CNTN4: variants seen among roughly 807,000 people sequenced by gnomAD.
CNTN4 encodes the protein contactin-4.
In CNTN4, 77 loss-of-function variants were observed where a neutral mutation model predicts 122.5. The observed-to-expected ratio is 0.63, with a 90% CI of 0.52 to 0.76. The LOEUF is 0.76. Among genes scored for constraint, CNTN4 ranks in the 30% least tolerant of loss-of-function variants. The probability of loss-of-function intolerance (pLI) is 0.00; values close to 1 mark genes in which losing one functional copy is unlikely to be tolerated. For synonymous variants in CNTN4, 512 were observed against 447.0 expected, an observed-to-expected ratio of 1.15 and a Z score of -1.83; for missense variants, 1,256 against 1,259.1, an observed-to-expected ratio of 1.00 and a Z score of 0.04.
chr3:2,523,800 T>C (rs189046476), intron 3 of CNTN4, among the ~76,000 whole-genome samples: 2 of 152,164 alleles, frequency 1.3e-5, no homozygotes, highest in Non-Finnish European at 1.5e-5. Flanking sequence ...TGCTTAGAAA[T>C]CAAAATGAAT....
chr3:2,791,933 T>G (rs970825), intron 6 of CNTN4, among the ~76,000 whole-genome samples: 7,171 of 152,232 alleles, frequency 0.047, 235 homozygotes, highest in Non-Finnish European at 0.07. Flanking sequence ...TCATCGGATT[T>G]AGGGCCCACT....
intron 18 of CNTN4, among the ~76,000 whole-genome samples, chr3:3,037,850 A>C (rs1050963949): frequency 6.6e-6 from 1 of 152,246 alleles, no homozygotes; most frequent in Admixed American, 6.5e-5. Context: ...CATTCGAACA[A>C]GACCAGTCAG....
At chr3:2,198,611 C>T (rs1312872320) in intron 2 of CNTN4, among the ~76,000 whole-genome samples, 1 of 152,084 alleles carries the variant, frequency 6.6e-6, no homozygotes, top group African/African-American at 2.4e-5. Flanking sequence ...AGCATAAAAT[C>T]AGTCAAGAAG....
intron 7 of CNTN4, among the ~76,000 whole-genome samples, chr3:2,861,757 C>T (rs1210094448): frequency 6.6e-6 from 1 of 152,120 alleles, no homozygotes; most frequent in Non-Finnish European, 1.5e-5. Context: ...CCAGTAACTA[C>T]CCTTGTGATT....
chr3:2,901,245 G>A (rs1473276042), intron 11 of CNTN4, among the ~76,000 whole-genome samples: 2 of 152,208 alleles, frequency 1.3e-5, no homozygotes, highest in Non-Finnish European at 1.5e-5. Flanking sequence ...CGGAGACCCT[G>A]AGAATGAGGA....
At chr3:2,489,022 T>C (rs545985667) in intron 3 of CNTN4, among the ~76,000 whole-genome samples, 29 of 152,338 alleles carry the variant, frequency 1.9e-4, no homozygotes, top group Non-Finnish European at 3.8e-4. Flanking sequence ...TTCCATCAGA[T>C]ATTTTTTCTG....
At chr3:2,798,074 C>A (rs9869397) in intron 6 of CNTN4, among the ~76,000 whole-genome samples, 1 of 45,152 alleles carries the variant, frequency 2.2e-5, no homozygotes, top group Non-Finnish European at 4.9e-5. Context: ...ATCCCTCCCA[C>A]CCTCCCACTC....
At chr3:2,481,445 T>C (rs758071460) in intron 3 of CNTN4, among the ~76,000 whole-genome samples, 2 of 152,058 alleles carry the variant, frequency 1.3e-5, no homozygotes, top group African/African-American at 4.8e-5. Flanking sequence ...CCAGCCAAGA[T>C]AGTCTTTTCA....
At chr3:3,024,334 T>C (rs1698542221) in intron 14 of CNTN4, among the ~76,000 whole-genome samples, 1 of 150,390 alleles carries the variant, frequency 6.6e-6, no homozygotes, top group Admixed American at 6.6e-5. Context: ...AATGGGGCTA[T>C]TCCTTGATGT....
At chr3:2,677,482 A>G (rs575014397) in intron 4 of CNTN4, among the ~76,000 whole-genome samples, 2 of 120,938 alleles carry the variant, frequency 1.7e-5, no homozygotes, top group South Asian at 2.5e-4. Context: ...CTATCCATCT[A>G]TATCTATCTA....
Position 2,517,278 on chromosome 3 carries a change from T to TG in CNTN4, c.-88-54134dup, listed in dbSNP as rs1191036518. 3.9e-5 allele frequency among the ~76,000 whole-genome samples: 6 copies of TG among 152,236 alleles called. No individual in the cohort carries two copies. In the South Asian group the frequency reaches 1.0e-3, roughly 26 times the overall value. ...CAGTGAGTGTTTCTGGAGTAGTTAA[T>TG]GGGGATATTCCATCTAGTTCAGTAG... On this transcript the variant is annotated intron_variant, in intron 3 of 24. Transcript: ENST00000418658.
chr3:2,480,445 G>A (rs991615950), intron 3 of CNTN4, among the ~76,000 whole-genome samples: 2 of 152,104 alleles, frequency 1.3e-5, no homozygotes, highest in Admixed American at 1.3e-4. Context: ...ACATAGACCA[G>A]TAAATGACTG....
At chr3:2,654,074 A>G (rs1294401055) in intron 4 of CNTN4, among the ~76,000 whole-genome samples, 3 of 152,202 alleles carry the variant, frequency 2.0e-5, no homozygotes, top group African/African-American at 7.2e-5. Flanking sequence ...ACAGTTGCTA[A>G]TTTACCCAAT....
chr3:2,762,990 G>A (rs1315853128), intron 6 of CNTN4, among the ~76,000 whole-genome samples: 1 of 146,560 alleles, frequency 6.8e-6, no homozygotes, highest in African/African-American at 2.6e-5. Context: ...CGCGCAGGCT[G>A]GAGTGCAGTG....
chr3:2,929,535 C>T (rs2094501898), intron 13 of CNTN4, among the ~76,000 whole-genome samples: 1 of 152,132 alleles, frequency 6.6e-6, no homozygotes, highest in Admixed American at 6.5e-5. Context: ...TTCATTGGCT[C>T]ATGTATTTGA....
intron 6 of CNTN4, among the ~76,000 whole-genome samples, chr3:2,776,365 G>T (rs6765656): frequency 0.14 from 20,989 of 147,642 alleles, 1,497 homozygotes; most frequent in African/African-American, 0.16. Flanking sequence ...TATTCCACAT[G>T]AAGGATGTAA....
chr3:2,207,926 C>T (rs1575083365), intron 2 of CNTN4, among the ~76,000 whole-genome samples: 1 of 152,176 alleles, frequency 6.6e-6, no homozygotes, highest in Admixed American at 6.6e-5. Context: ...ATTGACCATT[C>T]TAAAAATCCT....
At chr3:2,328,472 G>A (rs1044276071) in intron 2 of CNTN4, among the ~76,000 whole-genome samples, 9 of 152,072 alleles carry the variant, frequency 5.9e-5, no homozygotes, top group African/African-American at 1.4e-4. Flanking sequence ...GAATAATCTC[G>A]CATCATGTAA....
intron 4 of CNTN4, among the ~76,000 whole-genome samples, chr3:2,601,520 G>A (rs111234122): frequency 4.6e-5 from 7 of 152,192 alleles, no homozygotes; most frequent in African/African-American, 1.7e-4. Context: ...TAGATGTGTG[G>A]TATTATTTCT....
Sources: gnomAD v4.1 joint callset for allele counts (sites outside exome capture counted in the v4.1 genomes callset) on GRCh38, gnomAD v4.1.1 for gene constraint, MANE v1.5 for transcripts, NCBI Gene and HGNC (gene_info 2026-07-23, HGNC 2026-07-21) for gene names.